ATP2B1: variants seen among roughly 807,000 people sequenced by gnomAD.
ATP2B1 encodes the protein plasma membrane calcium-transporting ATPase 1.
Under a neutral mutation model 124.2 loss-of-function variants are expected in ATP2B1, and 14 were observed. The ratio of observed to expected loss-of-function variants is 0.11; its 90% CI spans 0.07 to 0.18. The LOEUF (loss-of-function observed/expected upper bound fraction) is 0.18, where lower values mean the gene tolerates loss of function less well. ATP2B1 is among the 10% of genes least tolerant of loss of function. ATP2B1 has a pLI of 1.00. For missense variants in ATP2B1, 763 were observed against 1,466.1 expected (o/e 0.52, Z 7.83); for synonymous variants, 449 against 492.4 (o/e 0.91, Z 1.17).
intron 15 of ATP2B1, among the ~76,000 whole-genome samples, chr12:89,605,098 G>A (rs568113729): frequency 1.6e-4 from 25 of 152,196 alleles, no homozygotes; most frequent in African/African-American, 4.1e-4. Flanking sequence ...TAAAGAAGAT[G>A]AACTCAACAC....
intron 9 of ATP2B1, 59 bp downstream of exon 9, chr12:89,624,124 T>G: frequency 6.7e-7 from 1 of 1,486,100 alleles, no homozygotes; most frequent in Non-Finnish European, 9.2e-7. Flanking sequence ...AGATGGGCAT[T>G]TTCTATACCA....
At chr12:89,621,163 T>C (rs1459391656) in intron 10 of ATP2B1, among the ~76,000 whole-genome samples, 3 of 152,128 alleles carry the variant, frequency 2.0e-5, no homozygotes, top group Non-Finnish European at 2.9e-5. Flanking sequence ...CAACCATATA[T>C]AAAACATGTT....
At chr12:89,706,494 A>G (rs1892470480) in intron 1 of ATP2B1, among the ~76,000 whole-genome samples, 1 of 152,190 alleles carries the variant, frequency 6.6e-6, no homozygotes, top group Non-Finnish European at 1.5e-5. Context: ...TCTTTTACCA[A>G]GAATATCCAG....
intron 11 of ATP2B1, among the ~76,000 whole-genome samples, chr12:89,618,537 C>T (rs766154837): frequency 6.6e-6 from 1 of 152,222 alleles, no homozygotes; most frequent in Non-Finnish European, 1.5e-5. Context: ...AGATTTCTAA[C>T]CTTTTCAATG....
chr12:89,699,048 T>C (rs1040305945), intron 1 of ATP2B1, among the ~76,000 whole-genome samples: 2 of 152,192 alleles, frequency 1.3e-5, no homozygotes, highest in Non-Finnish European at 2.9e-5. Flanking sequence ...TCCTAAAATT[T>C]CAACCAGTTC....
chr12:89,670,679 A>T (rs960005686), intron 1 of ATP2B1, among the ~76,000 whole-genome samples: 15 of 152,186 alleles, frequency 9.9e-5, no homozygotes, highest in African/African-American at 3.4e-4. Context: ...TTTAAAATTA[A>T]TGCTTATGTC....
At position 89,626,467 on chromosome 12, in the gene ATP2B1, C is replaced by A; in HGVS notation, c.1116G>T (p.Gln372His). ...LQGKLTKLAVQIGKAGLLMSA... is the reference protein window; with the variant it reads ...LQGKLTKLAVHIGKAGLLMSA... ...TCTATATCATACCTGCTTTGCCAAT[C>A]TGAACAGCCAGTTTTGTAAGTTTCC... The change falls in exon 8 of 21, where the codon CAG becomes CAT. Residue 372 changes from glutamine to histidine, a missense_variant. This residue lies in a region of ATP2B1 where 392 missense variants were observed against 776.6 expected (regional missense o/e 0.50). Transcript: ENST00000428670. The A allele has an allele frequency of 6.2e-7, 1 of 1,608,636 alleles. No homozygotes were observed.
chr12:89,645,883 C>A (rs1180099654), intron 2 of ATP2B1, among the ~76,000 whole-genome samples: 1 of 152,056 alleles, frequency 6.6e-6, no homozygotes, highest in East Asian at 1.9e-4. Flanking sequence ...AAATTGCTAT[C>A]TGAAGGAAAT....
At chr12:89,688,365 A>C (rs551207142) in intron 1 of ATP2B1, among the ~76,000 whole-genome samples, 12 of 152,198 alleles carry the variant, frequency 7.9e-5, no homozygotes, top group African/African-American at 2.9e-4. Context: ...GACTCACATA[A>C]ATTTTTTCAC....
intron 1 of ATP2B1, among the ~76,000 whole-genome samples, chr12:89,680,749 G>A (rs908718600): frequency 3.9e-5 from 6 of 151,930 alleles, no homozygotes; most frequent in African/African-American, 7.2e-5. Context: ...CTGTATATCC[G>A]GAAAACTGGA....
chr12:89,654,808 T>G (rs540511292), intron 2 of ATP2B1, among the ~76,000 whole-genome samples: 1 of 152,296 alleles, frequency 6.6e-6, no homozygotes, highest in Non-Finnish European at 1.5e-5. Context: ...AGCTTTGGAA[T>G]ATATACTAAT....
At chr12:89,644,165 AG>A (rs1383109301) in intron 2 of ATP2B1, among the ~76,000 whole-genome samples, 1 of 152,134 alleles carries the variant, frequency 6.6e-6, no homozygotes, top group Non-Finnish European at 1.5e-5. Flanking sequence ...CTAGAGAAGA[AG>A]GCAGAGATAA....
At chr12:89,653,592 C>T (rs1031631056) in intron 2 of ATP2B1, among the ~76,000 whole-genome samples, 12 of 152,134 alleles carry the variant, frequency 7.9e-5, no homozygotes, top group East Asian at 1.9e-4. Flanking sequence ...CCACCGCGCC[C>T]GGCCTCACAT....
intron 1 of ATP2B1, among the ~76,000 whole-genome samples, chr12:89,673,195 T>C (rs568151942): frequency 1.8e-4 from 27 of 152,312 alleles, no homozygotes; most frequent in African/African-American, 5.5e-4. Context: ...TACAGTTAAA[T>C]AGGTTTTCTT....
intron 11 of ATP2B1, among the ~76,000 whole-genome samples, chr12:89,618,936 T>C (rs1408974672): frequency 6.6e-6 from 1 of 152,204 alleles, no homozygotes; most frequent in East Asian, 1.9e-4. Context: ...TTAAATATTA[T>C]AATTTCAAAT....
rs374196525 is a variant in ATP2B1, at chr12:89,603,281, G to A, written c.2849-27C>T. On this transcript the variant is annotated intron_variant, in intron 17 of 20. Coordinates refer to ENST00000428670, the MANE Select transcript of ATP2B1 (RefSeq NM_001366521.1). The surrounding 1 kb of genome is among the most constrained non-coding windows in gnomAD (Gnocchi z 4.3). Reference sequence around the variant, plus strand: ...TGAAAGAATGAAAAATGACTATTTTGTAATTATCATACCAAATTAGATTTC... The same window carrying A: ...TGAAAGAATGAAAAATGACTATTTTATAATTATCATACCAAATTAGATTTC... 3.3e-6 allele frequency: 5 copies of A among 1,520,644 alleles called. No individual in the cohort carries two copies. The African/African-American group carries it at 5.6e-5, about 17-fold the overall frequency. 94.2% of individuals were successfully genotyped at this position (1,520,644 alleles called of 1,614,324 possible).
rs941369834 is a variant in ATP2B1, at chr12:89,590,082, C to G, written c.*902G>C. On this transcript the variant is annotated 3_prime_UTR_variant, in exon 21 of 21. Transcript: ENST00000428670. The stretch of plus-strand genomic sequence containing the variant: ...TTTGCCTGAAATAACAAAAGCATTT[C>G]AAGCATCTTTCATTATGTAGTTGAT... 6 of 152,538 alleles carry G rather than the reference C, an allele frequency of 3.9e-5. No homozygotes were observed. Among genetic ancestry groups the G allele is most frequent in the Non-Finnish European group, 7.4e-5 (5 of 67,990 alleles). The allele number at this position is 152,538 out of a possible 1,614,324, so 9.4% of individuals were successfully genotyped here.
intron 6 of ATP2B1, among the ~76,000 whole-genome samples, chr12:89,629,519 C>T (rs1881506805): frequency 1.3e-5 from 2 of 152,174 alleles, no homozygotes; most frequent in Admixed American, 1.3e-4. Context: ...GGATCTGCGT[C>T]CAGAATTTTT....
At chr12:89,671,509 A>G (rs1332049821) in intron 1 of ATP2B1, among the ~76,000 whole-genome samples, 1 of 152,206 alleles carries the variant, frequency 6.6e-6, no homozygotes, top group Non-Finnish European at 1.5e-5. Context: ...TATACACTCT[A>G]CATGGATCCT....
Sources: allele counts gnomAD v4.1 joint callset (sites outside exome capture counted in the v4.1 genomes callset), GRCh38; gene constraint gnomAD v4.1.1; regional missense constraint gnomAD v4.1.1; non-coding constraint Gnocchi (gnomAD v3.1); transcripts MANE v1.5; gene names NCBI Gene and HGNC (gene_info 2026-07-23, HGNC 2026-07-21).